The following MYO6 variants were observed in gnomAD, a reference collection of about 807,000 sequenced individuals.
The protein encoded by MYO6 is unconventional myosin-VI.
A neutral mutation model predicts 178.7 loss-of-function variants in MYO6; 74 were observed. The ratio of observed to expected loss-of-function variants is 0.41; its 90% CI spans 0.34 to 0.50. The LOEUF (loss-of-function observed/expected upper bound fraction) is 0.50, where lower values mean the gene tolerates loss of function less well. MYO6 is among the 20% of genes least tolerant of loss of function. MYO6 has a pLI of 0.09. For synonymous variants in MYO6, 477 were observed against 504.6 expected, an observed-to-expected ratio of 0.95 and a Z score of 0.73; for missense variants, 1,330 against 1,547.4, an observed-to-expected ratio of 0.86 and a Z score of 2.36.
At chr6:75,843,520 G>C (rs1425926653) in intron 9 of MYO6, among the ~76,000 whole-genome samples, 1 of 152,224 alleles carries the variant, frequency 6.6e-6, no homozygotes. Context: ...AAAAGGACAC[G>C]TTTCTATCCA....
chr6:75,901,699 A>G (rs1779789681), intron 30 of MYO6, among the ~76,000 whole-genome samples: 1 of 152,086 alleles, frequency 6.6e-6, no homozygotes, highest in Non-Finnish European at 1.5e-5. Flanking sequence ...CTCTTTTCCT[A>G]ATTGAATACC....
chr6:75,895,383 A>T (rs1779214139), intron 29 of MYO6, 123 bp downstream of exon 29: 6 of 785,480 alleles, frequency 7.6e-6, no homozygotes, highest in South Asian at 6.6e-5. Context: ...AACCTTTTTC[A>T]TATTTTTCTT....
chr6:75,776,947 A>C (rs570217569), intron 1 of MYO6, among the ~76,000 whole-genome samples: 57 of 152,172 alleles, frequency 3.7e-4, no homozygotes, highest in Non-Finnish European at 7.9e-4. Context: ...TACTTTAAAA[A>C]ATTATTGCAT....
intron 19 of MYO6, among the ~76,000 whole-genome samples, chr6:75,871,266 G>C (rs1777117146): frequency 6.6e-6 from 1 of 151,988 alleles, no homozygotes; most frequent in East Asian, 1.9e-4. Flanking sequence ...TTTTGTTTTT[G>C]AGACAAGGTC....
chr6:75,838,198 G>T (rs368540249), intron 7 of MYO6, among the ~76,000 whole-genome samples: 1 of 152,004 alleles, frequency 6.6e-6, no homozygotes, highest in Non-Finnish European at 1.5e-5. Context: ...GATTATAGGG[G>T]TGTGTGCCAC....
At chr6:75,773,332 C>T (rs1017262078) in intron 1 of MYO6, among the ~76,000 whole-genome samples, 1 of 152,086 alleles carries the variant, frequency 6.6e-6, no homozygotes, top group African/African-American at 2.4e-5. Flanking sequence ...AACTAAGGTT[C>T]GGAATGACAG....
intron 1 of MYO6, among the ~76,000 whole-genome samples, chr6:75,758,940 G>T (rs1036202618): frequency 6.6e-6 from 1 of 151,192 alleles, no homozygotes; most frequent in Non-Finnish European, 1.5e-5. Flanking sequence ...CATGATCTCA[G>T]CTCACTGCAA....
chr6:75,793,911 T>C (rs1021982664), intron 1 of MYO6, among the ~76,000 whole-genome samples: 5 of 152,230 alleles, frequency 3.3e-5, no homozygotes, highest in African/African-American at 1.2e-4. Context: ...TCCATGTACT[T>C]ACATCGAGCT....
chr6:75,905,758 T>G (rs1780264032), intron 30 of MYO6, among the ~76,000 whole-genome samples: 1 of 152,250 alleles, frequency 6.6e-6, no homozygotes, highest in Non-Finnish European at 1.5e-5. Flanking sequence ...CATTATTCTT[T>G]AGCTAGTCTT....
chr6:75,770,240 T>C (rs144270971), intron 1 of MYO6, among the ~76,000 whole-genome samples: 1 of 152,352 alleles, frequency 6.6e-6, no homozygotes, highest in Non-Finnish European at 1.5e-5. Context: ...TTATACAGCC[T>C]GCAGGACTGT....
In MYO6 at chr6:75,866,764, C is replaced by T. The variant is rs934432780; in HGVS notation, c.1770+143C>T. On this transcript the variant is annotated intron_variant, in intron 17 of 34. Coordinates refer to ENST00000369977, the MANE Select transcript of MYO6 (RefSeq NM_004999.4). Reference sequence around the variant, plus strand: ...ATTACAAGTTCAATTCCTCAGTACACTAGCCACACTTCAGGTGCCCAGTGT... The same window carrying T: ...ATTACAAGTTCAATTCCTCAGTACATTAGCCACACTTCAGGTGCCCAGTGT... 7.8e-5 allele frequency: 82 copies of T among 1,052,340 alleles called. No homozygotes were observed. In the Middle Eastern group the frequency reaches 1.9e-3, roughly 24 times the overall value. 65.2% of individuals were successfully genotyped at this position (1,052,340 alleles called of 1,614,324 possible).
Position 75,862,650 on chromosome 6 carries a change from G to A in MYO6, c.1601G>A (p.Arg534His), listed in dbSNP as rs765464310. The change falls in exon 16 of 35, where the codon CGC becomes CAC. Residue 534 changes from arginine (R) to histidine (H), a missense_variant. Physicochemically the swap from Arg to His is conservative, Grantham distance 29. This residue lies in a region of MYO6 where 613 missense variants were observed against 816.8 expected (regional missense o/e 0.75). Transcript: ENST00000369977. The part of the protein sequence containing the change: ...GILDILDEEN[R>H]LPQPSDQHFT... ...CTGGATATTTTGGATGAAGAAAATC[G>A]CCTTCCCCAGCCAAGTGATCAACAC... 10 of 1,613,844 alleles carry A rather than the reference G, an allele frequency of 6.2e-6. No individual in the cohort carries two copies. Among genetic ancestry groups the A allele is most frequent in the South Asian group, 1.1e-5 (1 of 91,068 alleles).
intron 11 of MYO6, among the ~76,000 whole-genome samples, chr6:75,852,000 GTTA>G (rs1465614923): frequency 2.0e-5 from 3 of 152,100 alleles, no homozygotes; most frequent in East Asian, 3.9e-4. Flanking sequence ...CAGATAAAAT[GTTA>G]TTATAAGAAA....
In MYO6 at chr6:75,761,633, A is replaced by AT. The variant is rs1241224983; in HGVS notation, c.-48+12220dup. On this transcript the variant is annotated intron_variant, in intron 1 of 34. Coordinates refer to ENST00000369977, the MANE Select transcript of MYO6 (RefSeq NM_004999.4). ...CACACACACACACACACACAGACACATTTTTTTTTTCCTTTTTGCCAGATG... is the reference window on the plus strand; with the variant it reads ...CACACACACACACACACACAGACACATTTTTTTTTTTCCTTTTTGCCAGATG... 3.4e-3 allele frequency among the ~76,000 whole-genome samples: 499 copies of AT among 148,068 alleles called. 1 individual carries two copies. Among genetic ancestry groups the AT allele is most frequent in the African/African-American group, 4.9e-3 (198 of 40,322 alleles).
intron 23 of MYO6, among the ~76,000 whole-genome samples, chr6:75,882,607 G>A (rs1778129993): frequency 6.6e-6 from 1 of 151,864 alleles, no homozygotes; most frequent in Non-Finnish European, 1.5e-5. Context: ...CTAGGATTCT[G>A]TAAAAATAAT....
At chr6:75,786,096 G>A (rs1157321605) in intron 1 of MYO6, among the ~76,000 whole-genome samples, 1 of 151,528 alleles carries the variant, frequency 6.6e-6, no homozygotes, top group Non-Finnish European at 1.5e-5. Flanking sequence ...TTTTTTGTGT[G>A]TGTGTTTTTT....
At chr6:75,772,494 A>G (rs534183508) in intron 1 of MYO6, among the ~76,000 whole-genome samples, 4 of 152,328 alleles carry the variant, frequency 2.6e-5, no homozygotes, top group African/African-American at 9.6e-5. Flanking sequence ...TACATTAGGA[A>G]TCATTGTTTT....
chr6:75,869,494 G>A (rs1421114941), intron 18 of MYO6, among the ~76,000 whole-genome samples: 1 of 152,116 alleles, frequency 6.6e-6, no homozygotes, highest in African/African-American at 2.4e-5. Flanking sequence ...GCTTTGAGCA[G>A]TACCTGACTT....
chr6:75,834,954 A>G (rs1201597027), intron 6 of MYO6, among the ~76,000 whole-genome samples: 1 of 152,240 alleles, frequency 6.6e-6, no homozygotes, highest in Non-Finnish European at 1.5e-5. Flanking sequence ...ATGAAAATGA[A>G]CAAAAAGTTA....
Sources: gnomAD v4.1 joint callset for allele counts (sites outside exome capture counted in the v4.1 genomes callset) on GRCh38, gnomAD v4.1.1 for gene constraint, gnomAD v4.1.1 regional missense constraint, MANE v1.5 for transcripts, NCBI Gene and HGNC (gene_info 2026-07-23, HGNC 2026-07-21) for gene names.